Variants in STARD13 observed in about 807,000 individuals in gnomAD.
STARD13 encodes StAR related lipid transfer domain containing 13.
A neutral mutation model predicts 106.4 loss-of-function variants in STARD13; 62 were observed. The observed-to-expected ratio is 0.58, with a 90% CI of 0.48 to 0.72. The LOEUF is 0.72. Ranked by LOEUF, STARD13 falls within the 30% of genes least tolerant of loss-of-function variation. The pLI is 0.00. For synonymous variants in STARD13, 565 were observed against 553.0 expected (o/e 1.02, Z -0.31); for missense variants, 1,387 against 1,424.0 (o/e 0.97, Z 0.42).
chr13:33,509,850 C>T, the STARD13 span, among the ~76,000 whole-genome samples: 1 of 152,174 alleles, frequency 6.6e-6, no homozygotes, highest in Non-Finnish European at 1.5e-5. Context: ...GAAGGAGGAA[C>T]TAAAATGTTC....
intron 1 of STARD13, among the ~76,000 whole-genome samples, chr13:33,194,525 G>T (rs1231171513): frequency 6.6e-6 from 1 of 152,060 alleles, no homozygotes; most frequent in Admixed American, 6.5e-5. Context: ...TGATTTAAAA[G>T]TAAGTTTATA....
At chr13:33,536,668 G>C in the STARD13 span, among the ~76,000 whole-genome samples, 39 of 152,214 alleles carry the variant, frequency 2.6e-4, no homozygotes, top group Non-Finnish European at 4.9e-4. Context: ...AGAATTAAAA[G>C]GGAAAAACTG....
In STARD13 at chr13:33,106,754, T is replaced by C; in HGVS notation, c.3224+4A>G. ...AGCCTGCCATTAAGGGAGTCAGCAC[T>C]TACTTCAGGTCTATCCTGCAGATGT... On this transcript the variant is annotated splice_donor_region_variant and intron_variant, in intron 13 of 13. Coordinates refer to ENST00000336934, the MANE Select transcript of STARD13 (RefSeq NM_178006.4). The C allele has an allele frequency of 6.2e-7, 1 of 1,602,364 alleles. No individual in the cohort carries two copies. Among genetic ancestry groups the C allele is most frequent in the Admixed American group, 1.7e-5 (1 of 59,364 alleles).
Position 33,296,420 on chromosome 13 carries a change from C to G in STARD13, c.124+53870G>C, listed in dbSNP as rs1892496577. The stretch of plus-strand genomic sequence containing the variant: ...ATTTAAAAATCATCATGATACAACA[C>G]CTCACATAGTGACACGTGTGTGTGT... On this transcript the variant is annotated intron_variant, in intron 1 of 5. Transcript: ENST00000567873. 3.5e-5 allele frequency among the ~76,000 whole-genome samples: 3 copies of G among 86,726 alleles called. No individual in the cohort carries two copies. The South Asian group carries it at 1.7e-3, about 49-fold the overall frequency. The allele number at this position is 86,726 out of a possible 152,430, so 56.9% of individuals were successfully genotyped here.
At chr13:33,592,222 T>A in the STARD13 span, among the ~76,000 whole-genome samples, 1 of 152,226 alleles carries the variant, frequency 6.6e-6, no homozygotes, top group East Asian at 1.9e-4. Context: ...AATTCTGCCT[T>A]AAAATATAAG....
chr13:33,520,317 T>G, the STARD13 span, among the ~76,000 whole-genome samples: 461 of 152,230 alleles, frequency 3.0e-3, 2 homozygotes, highest in Middle Eastern at 0.024. Flanking sequence ...CATGCGGTTG[T>G]GACTGCATAT....
At chr13:33,222,118 C>G (rs2138180895) in intron 1 of STARD13, among the ~76,000 whole-genome samples, 1 of 152,136 alleles carries the variant, frequency 6.6e-6, no homozygotes, top group East Asian at 1.9e-4. Context: ...CACTGCACTC[C>G]AGCCTGGCAA....
intron 1 of STARD13, among the ~76,000 whole-genome samples, chr13:33,175,760 T>C (rs1884451338): frequency 6.6e-6 from 1 of 152,176 alleles, no homozygotes; most frequent in East Asian, 1.9e-4. Flanking sequence ...CAGGTACTCT[T>C]CCATCCTACA....
At chr13:33,487,189 T>C in the STARD13 span, among the ~76,000 whole-genome samples, 1 of 152,196 alleles carries the variant, frequency 6.6e-6, no homozygotes, top group Non-Finnish European at 1.5e-5. Flanking sequence ...AAATCATCCA[T>C]GTAAAGCTCT....
At chr13:33,500,174 A>G in the STARD13 span, among the ~76,000 whole-genome samples, 1 of 152,146 alleles carries the variant, frequency 6.6e-6, no homozygotes, top group African/African-American at 2.4e-5. Flanking sequence ...GCTTCAACAT[A>G]TAAATTTGGG....
At chr13:33,183,268 C>T (rs374794894) in intron 1 of STARD13, among the ~76,000 whole-genome samples, 18 of 152,260 alleles carry the variant, frequency 1.2e-4, no homozygotes, top group East Asian at 7.7e-4. Flanking sequence ...GCAGAGTGCT[C>T]GGAGCTCAGC....
the STARD13 span, among the ~76,000 whole-genome samples, chr13:33,570,445 C>G: frequency 6.7e-6 from 1 of 148,156 alleles, no homozygotes; most frequent in East Asian, 2.0e-4. Context: ...CACTAATGAA[C>G]TTTTAACCCT....
At chr13:33,434,168 C>T in the STARD13 span, among the ~76,000 whole-genome samples, 2 of 152,166 alleles carry the variant, frequency 1.3e-5, no homozygotes, top group South Asian at 2.1e-4. Flanking sequence ...GCCTGGCCAA[C>T]ATGGCGAAAC....
the STARD13 span, among the ~76,000 whole-genome samples, chr13:33,553,680 A>G: frequency 2.0e-5 from 3 of 151,434 alleles, no homozygotes; most frequent in Non-Finnish European, 2.9e-5. Flanking sequence ...CCAGGGTTCA[A>G]GTGATTCTCC....
chr13:33,104,414 A>T lies in STARD13; in HGVS notation c.*1179T>A, dbSNP rs940580591. The T allele has an allele frequency of 1.3e-5, 2 of 152,638 alleles. No individual in the cohort carries two copies. Among genetic ancestry groups the T allele is most frequent in the Admixed American group, 6.5e-5 (1 of 15,284 alleles). The allele number at this position is 152,638 out of a possible 1,614,324, so 9.5% of individuals were successfully genotyped here. A position where few individuals can be genotyped will look rare whatever the true frequency, so the allele number is the denominator to read the frequency against. On this transcript the variant is annotated 3_prime_UTR_variant, in exon 14 of 14. Transcript: ENST00000336934. ...AATCAAAGAACATAGTTTTGGTCTC[A>T]TGTTAGTTAAAAACCCTGTCTTTCA...
chr13:33,414,047 A>AAAAAAAAGAAAG, the STARD13 span, among the ~76,000 whole-genome samples: 1 of 143,678 alleles, frequency 7.0e-6, no homozygotes, highest in African/African-American at 2.8e-5. Context: ...AAAAAAAAAA[A>AAAAAAAAGAAAG]AAAGAAAAGA....
At chr13:33,669,142 A>T in the STARD13 span, among the ~76,000 whole-genome samples, 1 of 152,232 alleles carries the variant, frequency 6.6e-6, no homozygotes, top group Non-Finnish European at 1.5e-5. Flanking sequence ...AATGGAAAGC[A>T]CATCCTACTG....
the STARD13 span, among the ~76,000 whole-genome samples, chr13:33,445,084 T>A: frequency 6.6e-6 from 1 of 152,178 alleles, no homozygotes; most frequent in Non-Finnish European, 1.5e-5. Flanking sequence ...GGAGGCTATG[T>A]CCCTTAGGGC....
downstream of STARD13, chr13:33,348,463 A>C (rs1349511397): frequency 1.3e-5 from 2 of 152,420 alleles, no homozygotes; most frequent in East Asian, 3.9e-4. Context: ...AGCTGCAGTC[A>C]TCTTCGGTCT....
Sources: gnomAD v4.1 joint callset for allele counts (sites outside exome capture counted in the v4.1 genomes callset) on GRCh38, gnomAD v4.1.1 for gene constraint, MANE v1.5 for transcripts, NCBI Gene and HGNC (gene_info 2026-07-23, HGNC 2026-07-21) for gene names.